Variants in TSPAN18 observed in about 807,000 individuals in gnomAD.
TSPAN18 encodes tetraspanin 18.
In TSPAN18, 14 loss-of-function variants were observed where a neutral mutation model predicts 27.3. The ratio of observed to expected loss-of-function variants is 0.51; its 90% CI spans 0.34 to 0.80. The LOEUF is 0.80. Among genes scored for constraint, TSPAN18 ranks in the 30% least tolerant of loss-of-function variants. The probability of loss-of-function intolerance (pLI) is 0.01; values close to 1 mark genes in which losing one functional copy is unlikely to be tolerated. For missense variants in TSPAN18, 268 were observed against 323.9 expected (o/e 0.83, Z 1.32); for synonymous variants, 143 against 136.5 (o/e 1.05, Z -0.33).
intron 3 of TSPAN18, among the ~76,000 whole-genome samples, chr11:44,893,305 G>A (rs1858919690): frequency 6.6e-6 from 1 of 152,184 alleles, no homozygotes; most frequent in Admixed American, 6.5e-5. Flanking sequence ...CTGTCATTTA[G>A]GATCCAATTG....
At chr11:44,746,273 C>T (rs551495751) in intron 1 of TSPAN18, among the ~76,000 whole-genome samples, 1 of 152,246 alleles carries the variant, frequency 6.6e-6, no homozygotes, top group South Asian at 2.1e-4. Flanking sequence ...GGACTCCCAG[C>T]CTCTGTCAGG....
chr11:44,779,966 C>G (rs1219746001), intron 2 of TSPAN18, among the ~76,000 whole-genome samples: 1 of 152,188 alleles, frequency 6.6e-6, no homozygotes, highest in Non-Finnish European at 1.5e-5. Context: ...TACCCGCATC[C>G]CTGTCTGCCT....
chr11:44,876,204 GAGA>G (rs1253259146), intron 3 of TSPAN18, among the ~76,000 whole-genome samples: 30 of 152,324 alleles, frequency 2.0e-4, no homozygotes, highest in South Asian at 8.3e-4. Context: ...CGGGGACTGG[GAGA>G]AGATCACCCT....
Position 44,926,706 on chromosome 11 carries a change from G to T in TSPAN18, c.648G>T (p.Glu216Asp). Reference sequence around the variant, plus strand: ...ACACGGTGATCCTCAACACCTTCGAGACCTACGTCTACTTGGCCGGAGCCC... The same window carrying T: ...ACACGGTGATCCTCAACACCTTCGATACCTACGTCTACTTGGCCGGAGCCC... ...GCYTVILNTF[E>D]TYVYLAGALA... Residue 216 changes from glutamate (E) to aspartate (D), a missense_variant, in exon 9 of 10, where the codon GAG (glutamate) becomes GAT (aspartate). Glu to Asp is a conservative substitution (Grantham distance 45, BLOSUM62 2). Coordinates refer to ENST00000520358, the MANE Select transcript of TSPAN18 (RefSeq NM_130783.5). The T allele has an allele frequency of 3.1e-6, 5 of 1,614,132 alleles. No homozygotes were observed. The highest frequency in any genetic ancestry group is 4.2e-6 in the Non-Finnish European group (5 of 1,180,002).
chr11:44,892,347 C>T (rs549964078), intron 3 of TSPAN18, among the ~76,000 whole-genome samples: 1 of 152,226 alleles, frequency 6.6e-6, no homozygotes, highest in Non-Finnish European at 1.5e-5. Context: ...TCCTCCCAGG[C>T]CCCTGGACTT....
rs116571623 is a variant in TSPAN18 at position 44,877,503 on chromosome 11, C to T, written c.-11+17034C>T. 9.1e-3 allele frequency among the ~76,000 whole-genome samples: 1,387 copies of T among 152,214 alleles called. 26 individuals are homozygous for T. The highest frequency in any genetic ancestry group is 0.031 in the African/African-American group (1,301 of 41,526). On this transcript the variant is annotated intron_variant, in intron 3 of 9. Transcript: ENST00000520358. ...TTTTCTAGAAGCCTCAGCCAGGACCCGCTCAACTAAATAAAGGAGTGAAAG... is the reference window on the plus strand; with the variant it reads ...TTTTCTAGAAGCCTCAGCCAGGACCTGCTCAACTAAATAAAGGAGTGAAAG...
intron 1 of TSPAN18, among the ~76,000 whole-genome samples, chr11:44,738,034 T>G (rs962725430): frequency 3.3e-5 from 5 of 152,208 alleles, no homozygotes; most frequent in African/African-American, 1.2e-4. Flanking sequence ...GTGTAATTTT[T>G]TTTTTTAACA....
At chr11:44,785,800 C>T (rs1856043126) in intron 2 of TSPAN18, among the ~76,000 whole-genome samples, 5 of 152,196 alleles carry the variant, frequency 3.3e-5, no homozygotes. Flanking sequence ...AATCTTGCCA[C>T]CTTGCCAAGC....
chr11:44,769,967 C>A (rs944195162), intron 2 of TSPAN18, among the ~76,000 whole-genome samples: 3 of 152,162 alleles, frequency 2.0e-5, no homozygotes, highest in Non-Finnish European at 2.9e-5. Context: ...CTCGTTGATT[C>A]TGCATCTCAA....
intron 8 of TSPAN18, among the ~76,000 whole-genome samples, chr11:44,924,066 G>A (rs1340304277): frequency 6.6e-6 from 1 of 151,424 alleles, no homozygotes; most frequent in African/African-American, 2.4e-5. Context: ...CTCTGGAAGA[G>A]ATGTGCTGCT....
chr11:44,868,964 G>A (rs541636089), intron 3 of TSPAN18, among the ~76,000 whole-genome samples: 7 of 152,354 alleles, frequency 4.6e-5, no homozygotes, highest in African/African-American at 1.7e-4. Flanking sequence ...GATCACATTA[G>A]CCCCAACCCA....
chr11:44,866,748 G>T (rs1858048485), intron 3 of TSPAN18, among the ~76,000 whole-genome samples: 1 of 152,152 alleles, frequency 6.6e-6, no homozygotes, highest in East Asian at 1.9e-4. Flanking sequence ...GCCCTCCTCT[G>T]CAGGCTCACA....
At chr11:44,799,048 C>T (rs1412421291) in intron 2 of TSPAN18, among the ~76,000 whole-genome samples, 1 of 149,594 alleles carries the variant, frequency 6.7e-6, no homozygotes, top group Non-Finnish European at 1.5e-5. Context: ...CAGTGCCGCC[C>T]CCTCCTCACC....
At chr11:44,795,626 C>T (rs919328581) in intron 2 of TSPAN18, among the ~76,000 whole-genome samples, 4 of 151,878 alleles carry the variant, frequency 2.6e-5, no homozygotes, top group Non-Finnish European at 2.9e-5. Flanking sequence ...CACCCTCTCA[C>T]TGCCACACCC....
At chr11:44,798,562 G>T (rs994703462) in intron 2 of TSPAN18, among the ~76,000 whole-genome samples, 2 of 152,220 alleles carry the variant, frequency 1.3e-5, no homozygotes, top group African/African-American at 4.8e-5. Context: ...GCCACTCTGG[G>T]GGCCCCAAAT....
intron 1 of TSPAN18, among the ~76,000 whole-genome samples, chr11:44,734,081 C>T (rs1398753231): frequency 2.0e-5 from 3 of 152,116 alleles, no homozygotes; most frequent in African/African-American, 4.8e-5. Flanking sequence ...CCTCCCTCCC[C>T]TCTCTCTTGC....
chr11:44,839,195 T>C (rs964749662), intron 2 of TSPAN18, among the ~76,000 whole-genome samples: 1 of 152,190 alleles, frequency 6.6e-6, no homozygotes, highest in East Asian at 1.9e-4. Flanking sequence ...TCTCTGAACA[T>C]TTTGGTGGAC....
At chr11:44,820,102 A>G (rs994583118) in intron 2 of TSPAN18, among the ~76,000 whole-genome samples, 4 of 152,174 alleles carry the variant, frequency 2.6e-5, no homozygotes, top group African/African-American at 9.6e-5. Flanking sequence ...AGCAAATGGA[A>G]GAATTCTATC....
chr11:44,813,233 G>T (rs981703158), intron 2 of TSPAN18, among the ~76,000 whole-genome samples: 2 of 152,182 alleles, frequency 1.3e-5, no homozygotes, highest in Non-Finnish European at 1.5e-5. Flanking sequence ...TGCCCTGTGC[G>T]CAGGAAGCCA....
Sources: allele counts gnomAD v4.1 joint callset (sites outside exome capture counted in the v4.1 genomes callset), GRCh38; gene constraint gnomAD v4.1.1; transcripts MANE v1.5; gene names NCBI Gene and HGNC (gene_info 2026-07-23, HGNC 2026-07-21).